Variants in C1orf159 observed in about 807,000 individuals in gnomAD.
The protein encoded by C1orf159 is chromosome 1 open reading frame 159, also known as uncharacterized protein C1orf159.
A neutral mutation model predicts 25.6 loss-of-function variants in C1orf159; 19 were observed. That is an observed-to-expected ratio of 0.74 (90% CI 0.52 to 1.09). The LOEUF is 1.09. Ranked by LOEUF, C1orf159 falls within the 50% of genes least tolerant of loss-of-function variation. The pLI, the probability that C1orf159 is intolerant of heterozygous loss-of-function variation, is 0.00. For missense variants in C1orf159, 274 were observed against 290.6 expected (o/e 0.94, Z 0.42); for synonymous variants, 139 against 124.7 (o/e 1.12, Z -0.77).
intron 3 of C1orf159, 115 bp downstream of exon 3, chr1:1,091,357 G>C: frequency 9.8e-7 from 1 of 1,023,704 alleles, no homozygotes; most frequent in South Asian, 1.4e-5. Context: ...GCACCTCTGG[G>C]GCTGGGACAT....
At chr1:1,097,578 C>T (rs1646025590) in intron 1 of C1orf159, among the ~76,000 whole-genome samples, 1 of 145,764 alleles carries the variant, frequency 6.9e-6, no homozygotes, top group Non-Finnish European at 1.5e-5. Flanking sequence ...ACACCCAGCT[C>T]ATTAAATTTT....
chr1:1,091,430 G>A (rs1198105123), intron 3 of C1orf159, 42 bp downstream of exon 3: 10 of 1,519,918 alleles, frequency 6.6e-6, no homozygotes, highest in Non-Finnish European at 8.9e-6. Flanking sequence ...CTCCACAGAG[G>A]CTCTGGCTTA....
Position 1,098,897 on chromosome 1 carries a change from C to T in C1orf159, c.-135-6794G>A, listed in dbSNP as rs951376582. ...AAAGTGCCTGGATTACAAGCTTGAG[C>T]CCCCATGTGCAGCCTGATATGTGTA... On this transcript the variant is annotated intron_variant, in intron 1 of 9. Coordinates refer to ENST00000421241, the MANE Select transcript of C1orf159 (RefSeq NM_017891.5). Among the ~76,000 whole-genome samples, 4 of 152,336 alleles carry T rather than the reference C, an allele frequency of 2.6e-5. No homozygotes were observed. The Middle Eastern group carries it at 0.01, about 389-fold the overall frequency.
At chr1:1,093,931 T>C (rs1430470785) in intron 1 of C1orf159, among the ~76,000 whole-genome samples, 2 of 152,226 alleles carry the variant, frequency 1.3e-5, no homozygotes, top group East Asian at 1.9e-4. Flanking sequence ...TGTCCGTGCA[T>C]GTGCAGGAGT....
At chr1:1,097,200 G>A (rs1249602338) in intron 1 of C1orf159, among the ~76,000 whole-genome samples, 2 of 152,022 alleles carry the variant, frequency 1.3e-5, no homozygotes, top group East Asian at 3.9e-4. Flanking sequence ...TCTGCCTCCC[G>A]GGTTCAAGCG....
At chr1:1,095,772 C>T (rs1020797903) in intron 1 of C1orf159, among the ~76,000 whole-genome samples, 4 of 152,122 alleles carry the variant, frequency 2.6e-5, no homozygotes, top group South Asian at 2.1e-4. Flanking sequence ...CTCAATATTT[C>T]GCCATCAAAA....
At chr1:1,111,606 A>G (rs1177092339) in intron 1 of C1orf159, among the ~76,000 whole-genome samples, 1 of 152,190 alleles carries the variant, frequency 6.6e-6, no homozygotes. Flanking sequence ...AATAAGTAAC[A>G]TCTTGCAAAA....
At chr1:1,088,782 C>T (rs578003796) in intron 4 of C1orf159, among the ~76,000 whole-genome samples, 4 of 152,300 alleles carry the variant, frequency 2.6e-5, no homozygotes, top group African/African-American at 4.8e-5. Context: ...ACAAACGGGC[C>T]GCGGCGACAC....
Position 1,098,224 on chromosome 1 carries a change from C to T in C1orf159, c.-135-6121G>A, listed in dbSNP as rs1646036173. Among the ~76,000 whole-genome samples the T allele has an allele frequency of 2.6e-5, 4 of 152,048 alleles. No homozygotes were observed. In the South Asian group the frequency reaches 8.3e-4, roughly 32 times the overall value. ...AGCTGGGATTACAGGTGTGCACCAC[C>T]ACGCCCAGCTAATTTTTTAAACTTT... On this transcript the variant is annotated intron_variant, in intron 1 of 9. Coordinates refer to ENST00000421241, the MANE Select transcript of C1orf159 (RefSeq NM_017891.5).
rs1052394763 is a variant in C1orf159 at position 1,110,746 on chromosome 1, C to T, written c.-136+5314G>A. Among the ~76,000 whole-genome samples, 2 of 152,236 alleles carry T rather than the reference C, an allele frequency of 1.3e-5. No homozygotes were observed. The highest frequency in any genetic ancestry group is 1.5e-5 in the Non-Finnish European group (1 of 68,044). ...GCCCAACTCTTCAGACAGCGGAAAC[C>T]CACCCGGGCGCCCTCAGAGACGACG... On this transcript the variant is annotated intron_variant, in intron 1 of 9. Coordinates refer to ENST00000421241, the MANE Select transcript of C1orf159 (RefSeq NM_017891.5). This position sits in a 1 kb window ranked among gnomAD's most constrained non-coding sequence, Gnocchi z 4.8.
At chr1:1,083,022 G>C (rs1240324951) in intron 9 of C1orf159, 35 bp from the exon 10 acceptor site, 1 of 1,525,640 alleles carries the variant, frequency 6.6e-7, no homozygotes, top group Admixed American at 1.9e-5. Flanking sequence ...GGTCAGAGTG[G>C]GACCTGGACA....
chr1:1,100,308 A>G (rs1185090367), intron 1 of C1orf159, among the ~76,000 whole-genome samples: 2 of 151,506 alleles, frequency 1.3e-5, no homozygotes, highest in Non-Finnish European at 2.9e-5. Flanking sequence ...GGGTAGATGT[A>G]GGTATGTTAA....
chr1:1,090,275 C>G, intron 4 of C1orf159, 78 bp downstream of exon 4: 2 of 1,408,836 alleles, frequency 1.4e-6, no homozygotes, highest in South Asian at 1.2e-5. Flanking sequence ...TCCTTGTCAC[C>G]GAGGGGAGGG....
In C1orf159 at chr1:1,087,218, G is replaced by C. The variant is rs1419961244; in HGVS notation, c.245-14C>G. ...CCGGGCCAGCAACTGTGGGATAGCA[G>C]AACTGTGGGAAGCCTGTGTGCACGG... On this transcript the variant is annotated splice_polypyrimidine_tract_variant and intron_variant, in intron 5 of 9. Transcript: ENST00000421241. The surrounding 1 kb of genome is among the most constrained non-coding windows in gnomAD (Gnocchi z 8.3). The C allele has an allele frequency of 1.9e-6, 3 of 1,601,038 alleles. No individual in the cohort carries two copies. The highest frequency in any genetic ancestry group is 1.7e-6 in the Non-Finnish European group (2 of 1,174,402).
At chr1:1,108,117 G>T (rs987953134) in intron 1 of C1orf159, among the ~76,000 whole-genome samples, 4 of 142,670 alleles carry the variant, frequency 2.8e-5, no homozygotes, top group African/African-American at 8.0e-5. Flanking sequence ...TCTCAGCACT[G>T]TTCACCACAG....
In C1orf159 at chr1:1,083,943, A is replaced by G. The variant is rs758589656; in HGVS notation, c.502+410T>C. ...GCTGACTCTTGGGTCCGCCTGACCC[A>G]GCACCACTGAAGCGATGGCTGCTCA... On this transcript the variant is annotated intron_variant, in intron 9 of 9. Transcript: ENST00000421241. The G allele has an allele frequency of 1.8e-5, 29 of 1,598,308 alleles. 2 individuals carry two copies. In the South Asian group the frequency reaches 2.9e-4, roughly 16 times the overall value.
chr1:1,113,703 C>T (rs4970407), intron 1 of C1orf159, among the ~76,000 whole-genome samples: 2,324 of 152,154 alleles, frequency 0.015, 56 homozygotes, highest in African/African-American at 0.052. Flanking sequence ...GGAAGTAAAG[C>T]GCCCTTGGAA....
chr1:1,091,106 C>G (rs1221458971), intron 3 of C1orf159: 1 of 772,626 alleles, frequency 1.3e-6, no homozygotes, highest in South Asian at 1.8e-5. Flanking sequence ...GTGAGGGGTC[C>G]CCACCCTCCA....
chr1:1,083,889 G>T (rs751805004), intron 9 of C1orf159: 7 of 1,543,612 alleles, frequency 4.5e-6, no homozygotes, highest in Non-Finnish European at 5.3e-6. Flanking sequence ...TGTGTCTGTG[G>T]CCCCGCACAT....
Sources: allele counts gnomAD v4.1 joint callset (sites outside exome capture counted in the v4.1 genomes callset), GRCh38; gene constraint gnomAD v4.1.1; non-coding constraint Gnocchi (gnomAD v3.1); transcripts MANE v1.5; gene names NCBI Gene and HGNC (gene_info 2026-07-23, HGNC 2026-07-21).